PITPNC1: variants seen among roughly 807,000 people sequenced by gnomAD.
PITPNC1 encodes cytoplasmic phosphatidylinositol transfer protein 1.
Under a neutral mutation model 44.7 loss-of-function variants are expected in PITPNC1, and 18 were observed. The observed-to-expected ratio is 0.40, with a 90% CI of 0.28 to 0.60. The LOEUF (loss-of-function observed/expected upper bound fraction) is 0.60. PITPNC1 is among the 20% of genes least tolerant of loss of function. The pLI, the probability that PITPNC1 is intolerant of heterozygous loss-of-function variation, is 0.39. For missense variants in PITPNC1, 290 were observed against 418.4 expected (o/e 0.69, Z 2.68); for synonymous variants, 141 against 149.6 (o/e 0.94, Z 0.42).
chr17:67,530,360 G>A (rs2040445704), intron 1 of PITPNC1, among the ~76,000 whole-genome samples: 1 of 151,724 alleles, frequency 6.6e-6, no homozygotes, highest in Admixed American at 6.6e-5. Flanking sequence ...CAAAGTGCTG[G>A]GATTGCAGGC....
intron 5 of PITPNC1, among the ~76,000 whole-genome samples, chr17:67,593,503 ACT>A (rs2041420267): frequency 6.6e-6 from 1 of 151,486 alleles, no homozygotes; most frequent in South Asian, 2.1e-4. Flanking sequence ...GGTTCAAGCG[ACT>A]CTCCTGCCTC....
intron 2 of PITPNC1, among the ~76,000 whole-genome samples, chr17:67,548,919 G>C (rs1228119121): frequency 6.6e-6 from 1 of 152,126 alleles, no homozygotes; most frequent in African/African-American, 2.4e-5. Flanking sequence ...AGCAACAGTG[G>C]GGACTAATTT....
chr17:67,428,789 T>G (rs1291642335), intron 1 of PITPNC1, among the ~76,000 whole-genome samples: 1 of 151,796 alleles, frequency 6.6e-6, no homozygotes. Context: ...ATTTATGTAT[T>G]TATAAACTTA....
At chr17:67,479,366 C>T (rs975904714) in intron 1 of PITPNC1, among the ~76,000 whole-genome samples, 1 of 152,192 alleles carries the variant, frequency 6.6e-6, no homozygotes. Context: ...AGGTTTTTCC[C>T]TTTTCCGCTT....
intron 1 of PITPNC1, among the ~76,000 whole-genome samples, chr17:67,435,591 C>T (rs893601445): frequency 2.6e-5 from 4 of 152,226 alleles, no homozygotes; most frequent in Non-Finnish European, 5.9e-5. Context: ...CGGTGGCCTA[C>T]ACCTGTAATC....
At chr17:67,515,267 GT>G (rs1428521544) in intron 1 of PITPNC1, among the ~76,000 whole-genome samples, 1 of 152,186 alleles carries the variant, frequency 6.6e-6, no homozygotes, top group African/African-American at 2.4e-5. Context: ...TTCTGGAAAC[GT>G]CTTCCTCTGG....
At chr17:67,454,722 T>C (rs1212266375) in intron 1 of PITPNC1, among the ~76,000 whole-genome samples, 3 of 152,044 alleles carry the variant, frequency 2.0e-5, no homozygotes, top group East Asian at 3.9e-4. Context: ...CCATTCAGAA[T>C]CTCCACCATC....
At chr17:67,482,420 T>C (rs1400784265) in intron 1 of PITPNC1, among the ~76,000 whole-genome samples, 1 of 152,176 alleles carries the variant, frequency 6.6e-6, no homozygotes, top group African/African-American at 2.4e-5. Flanking sequence ...TATAACACAT[T>C]ACCTCCTTCA....
At chr17:67,399,336 C>T (rs897931347) in intron 1 of PITPNC1, among the ~76,000 whole-genome samples, 1 of 152,126 alleles carries the variant, frequency 6.6e-6, no homozygotes, top group Non-Finnish European at 1.5e-5. Flanking sequence ...GATGGTTGTT[C>T]TCAGTTGGTC....
intron 4 of PITPNC1, among the ~76,000 whole-genome samples, chr17:67,575,670 G>C (rs1411392759): frequency 6.6e-6 from 1 of 152,070 alleles, no homozygotes; most frequent in Admixed American, 6.6e-5. Flanking sequence ...TTTCCAGGTT[G>C]AGCATGCCTC....
At chr17:67,586,425 C>CAAAAA (rs33998127) in intron 5 of PITPNC1, among the ~76,000 whole-genome samples, 6 of 110,576 alleles carry the variant, frequency 5.4e-5, no homozygotes, top group South Asian at 2.9e-4. Context: ...GTTTCTACTT[C>CAAAAA]AAAAAAAAAA....
intron 1 of PITPNC1, among the ~76,000 whole-genome samples, chr17:67,442,707 T>G (rs1353807760): frequency 6.6e-6 from 1 of 150,422 alleles, no homozygotes; most frequent in African/African-American, 2.5e-5. Flanking sequence ...ATATATATAT[T>G]AGCTAGGCAT....
intron 1 of PITPNC1, among the ~76,000 whole-genome samples, chr17:67,416,203 CTTTTTT>C (rs71687631): frequency 4.4e-5 from 3 of 67,614 alleles, no homozygotes; most frequent in African/African-American, 1.9e-4. Flanking sequence ...ACATGTATTG[CTTTTTT>C]TTTTTTTTTT....
chr17:67,420,387 C>T (rs200934908), intron 1 of PITPNC1, among the ~76,000 whole-genome samples: 17 of 86,584 alleles, frequency 2.0e-4, no homozygotes, highest in Admixed American at 5.4e-4. Flanking sequence ...TCCCTCCCCT[C>T]CCTCCCTCCC....
At chr17:67,544,903 A>G (rs1380167788) in intron 2 of PITPNC1, among the ~76,000 whole-genome samples, 1 of 152,232 alleles carries the variant, frequency 6.6e-6, no homozygotes, top group Non-Finnish European at 1.5e-5. Context: ...CAATAGAGAC[A>G]GCATCAGAGA....
At chr17:67,579,790 A>C (rs980557789) in intron 5 of PITPNC1, among the ~76,000 whole-genome samples, 9 of 152,044 alleles carry the variant, frequency 5.9e-5, no homozygotes, top group African/African-American at 1.9e-4. Flanking sequence ...AATACAAAAA[A>C]TTAGCCGGGC....
rs527286362 is a variant in PITPNC1, at chr17:67,459,360, G to A, written c.49-73442G>A. Reference sequence around the variant, plus strand: ...TTGAACTCCTGACCTCAGGTGATCCGCCCCGCCTAGGCCTCCCAAAGTGTT... The same window carrying A: ...TTGAACTCCTGACCTCAGGTGATCCACCCCGCCTAGGCCTCCCAAAGTGTT... On this transcript the variant is annotated intron_variant, in intron 1 of 8. Transcript: ENST00000581322. Among the ~76,000 whole-genome samples, 326 of 151,990 alleles carry A rather than the reference G, an allele frequency of 2.1e-3. 4 individuals carry two copies. The highest frequency in any genetic ancestry group is 7.4e-3 in the African/African-American group (307 of 41,486).
intron 7 of PITPNC1, among the ~76,000 whole-genome samples, chr17:67,671,181 C>T (rs534863604): frequency 1.1e-4 from 16 of 152,234 alleles, no homozygotes; most frequent in Admixed American, 3.3e-4. Context: ...CCACCGTGCC[C>T]GGCCGGCATG....
intron 2 of PITPNC1, among the ~76,000 whole-genome samples, chr17:67,544,671 A>C (rs75635154): frequency 0.018 from 2,788 of 152,308 alleles, 77 homozygotes; most frequent in African/African-American, 0.064. Context: ...TTTGGGTAGG[A>C]GAGGATAAAG....
Sources: allele counts gnomAD v4.1 joint callset (sites outside exome capture counted in the v4.1 genomes callset), GRCh38; gene constraint gnomAD v4.1.1; transcripts MANE v1.5; gene names NCBI Gene and HGNC (gene_info 2026-07-23, HGNC 2026-07-21).